The following ZDHHC14 variants were observed in gnomAD, a reference collection of about 807,000 sequenced individuals.
ZDHHC14 encodes zDHHC palmitoyltransferase 14, also known as palmitoyltransferase ZDHHC14.
A neutral mutation model predicts 47.7 loss-of-function variants in ZDHHC14; 16 were observed. That is an observed-to-expected ratio of 0.34 (90% CI 0.23 to 0.51). The LOEUF (loss-of-function observed/expected upper bound fraction) is 0.51. ZDHHC14 is among the 20% of genes least tolerant of loss of function. The pLI is 0.97. For missense variants in ZDHHC14, 515 were observed against 662.5 expected, an observed-to-expected ratio of 0.78 and a Z score of 2.44; for synonymous variants, 293 against 278.9, an observed-to-expected ratio of 1.05 and a Z score of -0.50.
intron 2 of ZDHHC14, among the ~76,000 whole-genome samples, chr6:157,589,927 G>T (rs922260950): frequency 1.3e-5 from 2 of 152,194 alleles, no homozygotes; most frequent in East Asian, 3.8e-4. Flanking sequence ...CCAAAATGCT[G>T]ATAGTGATGT....
intron 2 of ZDHHC14, among the ~76,000 whole-genome samples, chr6:157,585,413 C>CAA (rs111505965): frequency 5.8e-4 from 57 of 98,830 alleles, no homozygotes; most frequent in African/African-American, 9.3e-4. Flanking sequence ...ACCAAAAATA[C>CAA]AAAAAAAAAA....
intron 1 of ZDHHC14, among the ~76,000 whole-genome samples, chr6:157,416,972 GTTTTTTTTTT>G (rs71027335): frequency 9.0e-4 from 41 of 45,560 alleles, no homozygotes; most frequent in East Asian, 2.7e-3. Context: ...TGCCTGGCTA[GTTTTTTTTTT>G]TTTTTTTTTT....
intron 2 of ZDHHC14, among the ~76,000 whole-genome samples, chr6:157,576,014 G>A (rs953950881): frequency 9.9e-5 from 15 of 152,038 alleles, no homozygotes; most frequent in African/African-American, 1.7e-4. Context: ...CTTCTGACTC[G>A]GCAGGCCTTC....
chr6:157,597,195 C>T (rs148643314), intron 3 of ZDHHC14, among the ~76,000 whole-genome samples: 2,426 of 152,290 alleles, frequency 0.016, 58 homozygotes, highest in African/African-American at 0.054. Flanking sequence ...AGGGAGCCAC[C>T]TCTTCTCTCT....
intron 3 of ZDHHC14, among the ~76,000 whole-genome samples, chr6:157,621,281 C>T (rs1025566914): frequency 1.3e-5 from 2 of 152,096 alleles, no homozygotes; most frequent in Admixed American, 1.3e-4. Flanking sequence ...TCTCAACTTT[C>T]GTCTTTCTAA....
intron 1 of ZDHHC14, among the ~76,000 whole-genome samples, chr6:157,494,294 T>C (rs65641): frequency 0.99 from 150,155 of 152,322 alleles, 74,014 homozygotes; most frequent in East Asian, 1. Context: ...AGATGGGAGA[T>C]CAGCCGTCCT....
intron 1 of ZDHHC14, among the ~76,000 whole-genome samples, chr6:157,483,637 G>C (rs932911564): frequency 2.0e-5 from 3 of 152,162 alleles, no homozygotes; most frequent in Admixed American, 2.0e-4. Context: ...CCCTCTGCTA[G>C]AAGGGCAATT....
At chr6:157,541,056 T>A (rs1181953889) in intron 1 of ZDHHC14, among the ~76,000 whole-genome samples, 1 of 151,930 alleles carries the variant, frequency 6.6e-6, no homozygotes, top group Non-Finnish European at 1.5e-5. Flanking sequence ...ACAAAGAACA[T>A]CCATTCACCC....
intron 2 of ZDHHC14, among the ~76,000 whole-genome samples, chr6:157,590,256 T>C (rs556323929): frequency 1.3e-5 from 2 of 152,306 alleles, no homozygotes; most frequent in African/African-American, 4.8e-5. Flanking sequence ...AGGAGCTGAA[T>C]GTTAATCACC....
chr6:157,421,679 C>T (rs1778109216), intron 1 of ZDHHC14, among the ~76,000 whole-genome samples: 1 of 152,036 alleles, frequency 6.6e-6, no homozygotes, highest in East Asian at 2.0e-4. Flanking sequence ...ACAATCCCGG[C>T]TCACAGCAAC....
chr6:157,535,007 G>A (rs892793255), intron 1 of ZDHHC14, among the ~76,000 whole-genome samples: 1 of 152,188 alleles, frequency 6.6e-6, no homozygotes, highest in Non-Finnish European at 1.5e-5. Flanking sequence ...TACACACTAT[G>A]ATTTGAAGCC....
intron 2 of ZDHHC14, among the ~76,000 whole-genome samples, chr6:157,573,439 GC>G (rs1254220951): frequency 2.0e-5 from 3 of 152,162 alleles, no homozygotes; most frequent in Admixed American, 6.5e-5. Flanking sequence ...AAAAAAATTT[GC>G]CCAGCCTCCT....
chr6:157,559,527 C>A (rs1024281104), intron 2 of ZDHHC14, among the ~76,000 whole-genome samples: 9 of 152,234 alleles, frequency 5.9e-5, no homozygotes, highest in African/African-American at 1.2e-4. Flanking sequence ...TGGAACTGCC[C>A]TCAGGTCTCC....
intron 1 of ZDHHC14, among the ~76,000 whole-genome samples, chr6:157,503,943 T>C (rs1780251517): frequency 6.6e-6 from 1 of 152,228 alleles, no homozygotes; most frequent in South Asian, 2.1e-4. Context: ...AATGCACATC[T>C]ACCCTCTGAC....
chr6:157,511,645 C>A (rs2281522), intron 1 of ZDHHC14, among the ~76,000 whole-genome samples: 1 of 150,302 alleles, frequency 6.7e-6, no homozygotes, highest in Non-Finnish European at 1.5e-5. Flanking sequence ...CCACCCACCT[C>A]GGCCTACCAA....
intron 1 of ZDHHC14, among the ~76,000 whole-genome samples, chr6:157,484,285 A>G (rs1478376165): frequency 2.0e-5 from 2 of 101,208 alleles, no homozygotes; most frequent in East Asian, 6.0e-4. Context: ...ATACGTATAT[A>G]TATATGTGTA....
At chr6:157,408,156 T>C (rs972081581) in intron 1 of ZDHHC14, among the ~76,000 whole-genome samples, 5 of 152,208 alleles carry the variant, frequency 3.3e-5, no homozygotes, top group African/African-American at 1.2e-4. Flanking sequence ...CTGTAAATAA[T>C]AGAAACCGCC....
chr6:157,417,041 G>T (rs1468230543), intron 1 of ZDHHC14, among the ~76,000 whole-genome samples: 1 of 132,302 alleles, frequency 7.6e-6, no homozygotes, highest in Non-Finnish European at 1.5e-5. Flanking sequence ...TGTTGGCCAG[G>T]CTGGTCTCGA....
intron 1 of ZDHHC14, among the ~76,000 whole-genome samples, chr6:157,453,818 T>G (rs1476324948): frequency 1.0e-5 from 1 of 96,920 alleles, no homozygotes; most frequent in African/African-American, 4.0e-5. Context: ...GTGTGTGTGT[T>G]TGACCATGGA....
Sources: allele counts gnomAD v4.1 joint callset (sites outside exome capture counted in the v4.1 genomes callset), GRCh38; gene constraint gnomAD v4.1.1; transcripts MANE v1.5; gene names NCBI Gene and HGNC (gene_info 2026-07-23, HGNC 2026-07-21).